The following RPS6KA5 variants were observed in gnomAD, a reference collection of about 807,000 sequenced individuals.
RPS6KA5 encodes the protein ribosomal protein S6 kinase alpha-5.
Under a neutral mutation model 85.5 loss-of-function variants are expected in RPS6KA5, and 27 were observed. The observed-to-expected ratio is 0.32, with a 90% CI of 0.23 to 0.44. RPS6KA5 has a LOEUF of 0.44. Among genes scored for constraint, RPS6KA5 ranks in the 20% least tolerant of loss-of-function variants. The probability of loss-of-function intolerance (pLI) is 1.00; values close to 1 mark genes in which losing one functional copy is unlikely to be tolerated. For synonymous variants in RPS6KA5, 334 were observed against 348.2 expected (o/e 0.96, Z 0.46); for missense variants, 811 against 980.9 (o/e 0.83, Z 2.31).
intron 1 of RPS6KA5, among the ~76,000 whole-genome samples, chr14:91,023,669 T>TAA (rs60040110): frequency 1.8e-4 from 27 of 150,796 alleles, no homozygotes; most frequent in East Asian, 7.8e-4. Flanking sequence ...TAAGTTTCTT[T>TAA]AAAAAAAAAC....
chr14:91,014,285 G>A (rs538712415), intron 1 of RPS6KA5, among the ~76,000 whole-genome samples: 2 of 152,114 alleles, frequency 1.3e-5, no homozygotes, highest in African/African-American at 2.4e-5. Context: ...GCCGGATCAC[G>A]AGGTCAAGAG....
chr14:90,915,697 T>C (rs570247459), intron 7 of RPS6KA5, among the ~76,000 whole-genome samples: 3 of 151,754 alleles, frequency 2.0e-5, no homozygotes, highest in South Asian at 4.2e-4. Flanking sequence ...ATCGAGCAAC[T>C]GGGGAGGATG....
intron 1 of RPS6KA5, among the ~76,000 whole-genome samples, chr14:91,048,243 A>C (rs958754167): frequency 2.6e-5 from 4 of 152,226 alleles, no homozygotes; most frequent in Non-Finnish European, 5.9e-5. Context: ...AACATTTTTA[A>C]AATACAAGAA....
chr14:90,866,444 G>C lies in RPS6KA5; in HGVS notation c.*5630C>G, dbSNP rs1017837358. ...GATCACGCCACTGCACTCCGGCCAG[G>C]GTGACAGAGTGAGACCCTGTCTCAC... On this transcript the variant is annotated 3_prime_UTR_variant, in exon 17 of 17. Coordinates refer to ENST00000614987, the MANE Select transcript of RPS6KA5 (RefSeq NM_004755.4). The C allele has an allele frequency of 6.6e-6, 1 of 152,192 alleles. No individual in the cohort carries two copies. Among genetic ancestry groups the C allele is most frequent in the Non-Finnish European group, 1.5e-5 (1 of 68,098 alleles). The allele number at this position is 152,192 out of a possible 1,614,324, so 9.4% of individuals were successfully genotyped here.
chr14:90,989,251 A>G (rs1466879824), intron 2 of RPS6KA5, among the ~76,000 whole-genome samples: 1 of 152,164 alleles, frequency 6.6e-6, no homozygotes, highest in Non-Finnish European at 1.5e-5. Context: ...TTGGGCTCAC[A>G]GAGTTCATAT....
At chr14:90,910,731 G>A (rs1290776473) in intron 7 of RPS6KA5, among the ~76,000 whole-genome samples, 3 of 151,094 alleles carry the variant, frequency 2.0e-5, no homozygotes, top group African/African-American at 7.3e-5. Flanking sequence ...TGTCGACCAG[G>A]CTGGAGTGCA....
rs1421268379 is a variant in RPS6KA5 at position 91,060,095 on chromosome 14, T to C, written c.103+237A>G. The C allele has an allele frequency of 1.1e-5, 11 of 985,248 alleles. No individual in the cohort carries two copies. The African/African-American group carries it at 1.6e-4, about 14-fold the overall frequency. 61.0% of individuals were successfully genotyped at this position (985,248 alleles called of 1,614,324 possible). A position where few individuals can be genotyped will look rare whatever the true frequency, so the allele number is the denominator to read the frequency against. ...CGGTCGGCGGCTGCGCTGGCCCCGA[T>C]GCCTGGTGCCCGCCGCTCATTCCCG... On this transcript the variant is annotated intron_variant, in intron 1 of 16. Coordinates refer to ENST00000614987, the MANE Select transcript of RPS6KA5 (RefSeq NM_004755.4).
At chr14:91,014,653 A>C (rs545471716) in intron 1 of RPS6KA5, among the ~76,000 whole-genome samples, 6 of 152,208 alleles carry the variant, frequency 3.9e-5, no homozygotes, top group Non-Finnish European at 8.8e-5. Flanking sequence ...AAAACTGCTT[A>C]TTTCTAAATA....
chr14:91,030,611 GAAAAAAAAAAAAAAAA>G lies in RPS6KA5; in HGVS notation c.104-29468_104-29453del, dbSNP rs58737573. On this transcript the variant is annotated intron_variant, in intron 1 of 16. Coordinates refer to ENST00000614987, the MANE Select transcript of RPS6KA5 (RefSeq NM_004755.4). ...AACATGCAAGACACCAAAATAAACA[GAAAAAAAAAAAAAAAA>G]AAAAAAAAAAAAGGAAGTTCAGAAG... Among the ~76,000 whole-genome samples, 4 of 22,074 alleles carry G rather than the reference GAAAAAAAAAAAAAAAA, an allele frequency of 1.8e-4. No homozygotes were observed. In the East Asian group the frequency reaches 0.013, roughly 69 times the overall value. The allele number at this position is 22,074 out of a possible 152,430, so 14.5% of individuals were successfully genotyped here.
At chr14:90,975,297 T>G (rs564749661) in intron 3 of RPS6KA5, among the ~76,000 whole-genome samples, 19 of 152,280 alleles carry the variant, frequency 1.2e-4, no homozygotes, top group African/African-American at 4.6e-4. Flanking sequence ...AAAAGCTGGA[T>G]AAAGTCAGTC....
intron 1 of RPS6KA5, among the ~76,000 whole-genome samples, chr14:91,043,646 T>C (rs189845582): frequency 2.0e-5 from 3 of 152,322 alleles, no homozygotes; most frequent in East Asian, 1.9e-4. Context: ...TTATCTATGA[T>C]TACTTATACC....
chr14:90,924,484 G>A (rs1011022086), intron 5 of RPS6KA5, among the ~76,000 whole-genome samples: 17 of 152,166 alleles, frequency 1.1e-4, no homozygotes, highest in African/African-American at 4.1e-4. Flanking sequence ...ATAGGGGCAG[G>A]AAAGACTTCA....
At chr14:90,894,657 G>A in intron 12 of RPS6KA5, 74 bp from the exon 13 acceptor site, 2 of 1,492,596 alleles carry the variant, frequency 1.3e-6, no homozygotes, top group Non-Finnish European at 9.0e-7. Flanking sequence ...AACATTTATT[G>A]ACTATCTACC....
At chr14:90,895,331 ACTGT>A (rs2034776375) in intron 12 of RPS6KA5, among the ~76,000 whole-genome samples, 1 of 152,060 alleles carries the variant, frequency 6.6e-6, no homozygotes, top group Non-Finnish European at 1.5e-5. Context: ...ACACAGTGAG[ACTGT>A]CTGTACAAAA....
At chr14:90,918,746 GTTCCA>G (rs1341475627) in intron 7 of RPS6KA5, among the ~76,000 whole-genome samples, 1 of 152,150 alleles carries the variant, frequency 6.6e-6, no homozygotes, top group Non-Finnish European at 1.5e-5. Flanking sequence ...ATAGCCAGTG[GTTCCA>G]GCACCATTTA....
intron 1 of RPS6KA5, among the ~76,000 whole-genome samples, chr14:91,040,094 A>G (rs1173787639): frequency 6.6e-6 from 1 of 152,238 alleles, no homozygotes; most frequent in Non-Finnish European, 1.5e-5. Flanking sequence ...CTGGCAGAAT[A>G]GTGAATGGCA....
chr14:91,009,244 C>T (rs2041157847), intron 1 of RPS6KA5, among the ~76,000 whole-genome samples: 1 of 152,218 alleles, frequency 6.6e-6, no homozygotes, highest in African/African-American at 2.4e-5. Context: ...GGGATTAGTG[C>T]TCTTATAAAA....
intron 5 of RPS6KA5, among the ~76,000 whole-genome samples, chr14:90,923,661 A>G (rs2036518057): frequency 6.6e-6 from 1 of 152,176 alleles, no homozygotes; most frequent in Admixed American, 6.5e-5. Flanking sequence ...GGTAGGAAAG[A>G]CCAAATTCTA....
chr14:90,926,326 G>A (rs1302229066), intron 5 of RPS6KA5, among the ~76,000 whole-genome samples: 1 of 151,522 alleles, frequency 6.6e-6, no homozygotes, highest in Non-Finnish European at 1.5e-5. Context: ...GGGAGGTGGA[G>A]GTTGCAGTGA....
Sources: gnomAD v4.1 joint callset for allele counts (sites outside exome capture counted in the v4.1 genomes callset) on GRCh38, gnomAD v4.1.1 for gene constraint, MANE v1.5 for transcripts, NCBI Gene and HGNC (gene_info 2026-07-23, HGNC 2026-07-21) for gene names.